LRMDA: variants seen among roughly 807,000 people sequenced by gnomAD.
LRMDA encodes the protein leucine rich melanocyte differentiation associated, also known as leucine-rich melanocyte differentiation-associated protein.
In LRMDA, 18 loss-of-function variants were observed where a neutral mutation model predicts 29.8. The observed-to-expected ratio is 0.60, with a 90% confidence interval of 0.42 to 0.90. The LOEUF is 0.90. Ranked by LOEUF, LRMDA falls within the 40% of genes least tolerant of loss-of-function variation. The pLI, the probability that LRMDA is intolerant of heterozygous loss-of-function variation, is 0.00. For synonymous variants in LRMDA, 125 were observed against 109.4 expected (o/e 1.14, Z -0.89); for missense variants, 273 against 273.9 (o/e 1.00, Z 0.02).
intron 6 of LRMDA, among the ~76,000 whole-genome samples, chr10:76,479,897 T>C (rs1380400633): frequency 6.6e-6 from 1 of 151,938 alleles, no homozygotes; most frequent in Admixed American, 6.6e-5. Flanking sequence ...CCTTAACTTA[T>C]TTTATTTCTG....
intron 6 of LRMDA, among the ~76,000 whole-genome samples, chr10:76,348,668 T>C (rs1351680462): frequency 6.6e-6 from 1 of 152,206 alleles, no homozygotes; most frequent in Non-Finnish European, 1.5e-5. Flanking sequence ...TGTCAGGCTC[T>C]CAATGGTTTC....
intron 2 of LRMDA, among the ~76,000 whole-genome samples, chr10:75,663,783 A>G (rs1199815979): frequency 6.6e-6 from 1 of 152,142 alleles, no homozygotes; most frequent in East Asian, 1.9e-4. Context: ...TTCCCTATGT[A>G]GATCTAACTC....
chr10:75,549,752 A>C (rs1840119891), intron 2 of LRMDA, among the ~76,000 whole-genome samples: 1 of 152,154 alleles, frequency 6.6e-6, no homozygotes, highest in Non-Finnish European at 1.5e-5. Flanking sequence ...AAGACGTAAC[A>C]TTTTTATCGC....
rs188166848 is a variant in LRMDA at position 76,245,693 on chromosome 10, G to A, written c.517-78708G>A. Among the ~76,000 whole-genome samples the A allele has an allele frequency of 3.9e-3, 588 of 152,308 alleles. 4 individuals are homozygous for A. Among genetic ancestry groups the A allele is most frequent in the African/African-American group, 0.014 (564 of 41,570 alleles). On this transcript the variant is annotated intron_variant, in intron 5 of 6. Coordinates refer to ENST00000611255, the MANE Select transcript of LRMDA (RefSeq NM_001305581.2). ...CTAAATTATTAAGAAGCAGAGCCAG[G>A]AATTGAACACATGTCTGTGTGAGGG...
intron 5 of LRMDA, among the ~76,000 whole-genome samples, chr10:76,227,307 GTTTA>G (rs1000883161): frequency 7.2e-5 from 11 of 151,948 alleles, no homozygotes; most frequent in South Asian, 2.1e-4. Context: ...ACTTTTTTTT[GTTTA>G]TTTATTTTAA....
At chr10:76,427,237 A>G (rs1039191597) in intron 6 of LRMDA, among the ~76,000 whole-genome samples, 17 of 151,968 alleles carry the variant, frequency 1.1e-4, no homozygotes, top group Non-Finnish European at 2.2e-4. Flanking sequence ...ATCCATGAGC[A>G]TGGAATATTC....
At chr10:75,574,323 A>T (rs1257399785) in intron 2 of LRMDA, among the ~76,000 whole-genome samples, 2 of 152,068 alleles carry the variant, frequency 1.3e-5, no homozygotes, top group African/African-American at 4.8e-5. Context: ...GGGGAGAGTT[A>T]TGTTTTATCC....
intron 2 of LRMDA, among the ~76,000 whole-genome samples, chr10:75,632,782 G>GTTTTTTTTTTTTTTTTTTGTTTTTT (rs1841341108): frequency 2.3e-5 from 1 of 43,256 alleles, no homozygotes; most frequent in Non-Finnish European, 4.6e-5. Flanking sequence ...GTTTAGTTTA[G>GTTTTTTTTTTTTTTTTTTGTTTTTT]TTTTTTTTTT....
At chr10:75,951,305 C>T (rs1194784119) in intron 2 of LRMDA, among the ~76,000 whole-genome samples, 2 of 152,256 alleles carry the variant, frequency 1.3e-5, no homozygotes, top group East Asian at 3.9e-4. Flanking sequence ...CGGTAGCAGG[C>T]AGTAATAATC....
rs538362957 is a variant in LRMDA, at chr10:75,668,512, C to T, written c.131+230018C>T. On this transcript the variant is annotated intron_variant, in intron 2 of 6. Coordinates refer to ENST00000611255, the MANE Select transcript of LRMDA (RefSeq NM_001305581.2). ...GGTCGGTGATTTATACAACCACTCT[C>T]GGTTTTGTCTCCAAGTGTAATGCCA... is the stretch of plus-strand genomic sequence containing the variant. 3.3e-5 allele frequency among the ~76,000 whole-genome samples: 5 copies of T among 152,228 alleles called. No individual in the cohort carries two copies. In the East Asian group the frequency reaches 9.7e-4, roughly 29 times the overall value.
intron 6 of LRMDA, among the ~76,000 whole-genome samples, chr10:76,357,045 T>C (rs887187705): frequency 2.0e-5 from 3 of 151,954 alleles, no homozygotes; most frequent in African/African-American, 7.3e-5. Flanking sequence ...AACCAAAAAA[T>C]TGGCAAGTGC....
intron 2 of LRMDA, among the ~76,000 whole-genome samples, chr10:75,519,381 A>C (rs541792797): frequency 6.6e-6 from 1 of 151,656 alleles, no homozygotes; most frequent in South Asian, 2.1e-4. Flanking sequence ...CTCTGGGTGC[A>C]TATGTATTTA....
intron 5 of LRMDA, among the ~76,000 whole-genome samples, chr10:76,205,915 C>T (rs1166166653): frequency 6.6e-6 from 1 of 152,106 alleles, no homozygotes; most frequent in African/African-American, 2.4e-5. Context: ...GTCAGAAATG[C>T]AGAATCGTTG....
chr10:75,855,395 G>A (rs1192986193), intron 2 of LRMDA, among the ~76,000 whole-genome samples: 29 of 152,234 alleles, frequency 1.9e-4, no homozygotes, highest in African/African-American at 3.9e-4. Flanking sequence ...CATATCCTTC[G>A]CCCACTTTTT....
intron 5 of LRMDA, among the ~76,000 whole-genome samples, chr10:76,139,457 T>TTA (rs1850159045): frequency 2.0e-5 from 3 of 152,194 alleles, no homozygotes; most frequent in Non-Finnish European, 4.4e-5. Flanking sequence ...GCTTACTTAC[T>TTA]CTGGTTTCAA....
At chr10:76,232,174 T>G (rs1211745673) in intron 5 of LRMDA, among the ~76,000 whole-genome samples, 1 of 152,216 alleles carries the variant, frequency 6.6e-6, no homozygotes, top group Non-Finnish European at 1.5e-5. Flanking sequence ...TTAAGTGATA[T>G]GATTTAAAAT....
At chr10:75,608,477 C>A (rs141074125) in intron 2 of LRMDA, among the ~76,000 whole-genome samples, 1 of 152,158 alleles carries the variant, frequency 6.6e-6, no homozygotes, top group Non-Finnish European at 1.5e-5. Context: ...GAGAGTAGAT[C>A]TTAAGTGTTC....
At chr10:76,492,062 G>C (rs1842838863) in intron 6 of LRMDA, among the ~76,000 whole-genome samples, 1 of 151,944 alleles carries the variant, frequency 6.6e-6, no homozygotes, top group African/African-American at 2.4e-5. Flanking sequence ...GAATCTCTTT[G>C]TTAAATTTAT....
intron 2 of LRMDA, among the ~76,000 whole-genome samples, chr10:75,828,413 A>G (rs1475456660): frequency 1.3e-5 from 2 of 152,216 alleles, no homozygotes; most frequent in Non-Finnish European, 2.9e-5. Flanking sequence ...GGAAAAGAAA[A>G]TATTAACAAC....
Sources: gnomAD v4.1 joint callset for allele counts (sites outside exome capture counted in the v4.1 genomes callset) on GRCh38, gnomAD v4.1.1 for gene constraint, MANE v1.5 for transcripts, NCBI Gene and HGNC (gene_info 2026-07-23, HGNC 2026-07-21) for gene names.